The following GRB10 variants were observed in gnomAD, a reference collection of about 807,000 sequenced individuals.
GRB10 encodes the protein growth factor receptor-bound protein 10.
In GRB10, 20 loss-of-function variants were observed where a neutral mutation model predicts 80.9. The ratio of observed to expected loss-of-function variants is 0.25; its 90% CI spans 0.17 to 0.36. GRB10 has a LOEUF of 0.36. Among genes scored for constraint, GRB10 ranks in the 10% least tolerant of loss-of-function variants. The probability of loss-of-function intolerance (pLI) is 1.00; values close to 1 mark genes in which losing one functional copy is unlikely to be tolerated. For synonymous variants in GRB10, 291 were observed against 291.5 expected (o/e 1.00, Z 0.02); for missense variants, 548 against 747.7 (o/e 0.73, Z 3.12).
intron 4 of GRB10, among the ~76,000 whole-genome samples, chr7:50,712,220 G>C (rs1181964685): frequency 6.6e-6 from 1 of 152,220 alleles, no homozygotes; most frequent in African/African-American, 2.4e-5. Context: ...TAATAAATGA[G>C]CCAGAGCCAT....
At chr7:50,781,914 T>C (rs934648485) in intron 1 of GRB10, among the ~76,000 whole-genome samples, 1 of 152,244 alleles carries the variant, frequency 6.6e-6, no homozygotes, top group East Asian at 1.9e-4. Context: ...ACGTTGACTA[T>C]ACGTGTTTAC....
At chr7:50,644,735 T>C (rs1434708633) in intron 7 of GRB10, among the ~76,000 whole-genome samples, 1 of 152,142 alleles carries the variant, frequency 6.6e-6, no homozygotes, top group Non-Finnish European at 1.5e-5. Context: ...GACATCAGCC[T>C]CTACACAGCC....
rs1456965682 is a variant in GRB10 at position 50,703,818 on chromosome 7, T to C, written c.139+3A>G. On this transcript the variant is annotated splice_donor_region_variant and intron_variant, in intron 5 of 18. Transcript: ENST00000401949. ...GTGTTCTTGTGTTTTGCTCATTCCTTACCCTGGTGATTCGCAAGTCGGTCA... is the reference window on the plus strand; with the variant it reads ...GTGTTCTTGTGTTTTGCTCATTCCTCACCCTGGTGATTCGCAAGTCGGTCA... 7 of 1,610,546 alleles carry C rather than the reference T, an allele frequency of 4.3e-6. No homozygotes were observed. Among genetic ancestry groups the C allele is most frequent in the Non-Finnish European group, 5.9e-6 (7 of 1,177,112 alleles).
intron 3 of GRB10, among the ~76,000 whole-genome samples, chr7:50,753,748 G>A (rs887162741): frequency 3.9e-5 from 6 of 152,196 alleles, no homozygotes; most frequent in Non-Finnish European, 7.3e-5. Flanking sequence ...AGTGGGAAAC[G>A]AAGTTTTGTT....
At chr7:50,731,442 C>G (rs1414676745) in intron 4 of GRB10, among the ~76,000 whole-genome samples, 3 of 152,000 alleles carry the variant, frequency 2.0e-5, no homozygotes, top group African/African-American at 7.3e-5. Context: ...AAAAGCTGAC[C>G]ACAGCCTGAA....
chr7:50,717,185 CTT>C (rs1287638645), intron 4 of GRB10, among the ~76,000 whole-genome samples: 2 of 152,218 alleles, frequency 1.3e-5, no homozygotes, highest in African/African-American at 4.8e-5. Context: ...CAGTCTCCCA[CTT>C]TGTGGCAGCC....
intron 7 of GRB10, among the ~76,000 whole-genome samples, chr7:50,664,849 T>C (rs1480987334): frequency 6.6e-6 from 1 of 152,202 alleles, no homozygotes; most frequent in East Asian, 1.9e-4. Flanking sequence ...CACAAAGCAG[T>C]TAAAAATACC....
In GRB10 at chr7:50,593,165, G is replaced by A. The variant is rs559904789; in HGVS notation, c.1639-67C>T. The A allele has an allele frequency of 9.5e-6, 15 of 1,571,278 alleles. No homozygotes were observed. The South Asian group carries it at 1.1e-4, about 12-fold the overall frequency. ...CCTCAGGGAACAGAACGGGGCCCACGGCCAGCAGCAGCTACATCTGCCCAT... is the reference window on the plus strand; with the variant it reads ...CCTCAGGGAACAGAACGGGGCCCACAGCCAGCAGCAGCTACATCTGCCCAT... On this transcript the variant is annotated intron_variant, in intron 18 of 18. Coordinates refer to ENST00000401949, the MANE Select transcript of GRB10 (RefSeq NM_001350814.2).
intron 4 of GRB10, among the ~76,000 whole-genome samples, chr7:50,728,513 C>G (rs751147593): frequency 6.6e-5 from 10 of 152,052 alleles, no homozygotes; most frequent in Non-Finnish European, 1.2e-4. Context: ...TACAAGGAGG[C>G]CCCCTTGAGC....
chr7:50,744,720 C>G (rs1034048054), intron 3 of GRB10, among the ~76,000 whole-genome samples: 5 of 152,144 alleles, frequency 3.3e-5, no homozygotes, highest in Non-Finnish European at 7.4e-5. Context: ...GAGCAATTTA[C>G]TGGGATGGGA....
intron 5 of GRB10, among the ~76,000 whole-genome samples, chr7:50,685,356 G>GA (rs1394703970): frequency 6.6e-6 from 1 of 152,158 alleles, no homozygotes; most frequent in African/African-American, 2.4e-5. Context: ...ACTACTTCTG[G>GA]AAAAATAATT....
intron 7 of GRB10, among the ~76,000 whole-genome samples, chr7:50,634,618 C>G (rs1398215678): frequency 1.3e-5 from 2 of 152,244 alleles, no homozygotes; most frequent in South Asian, 4.1e-4. Context: ...AAAAACAAGA[C>G]CCAGCCATCT....
intron 2 of GRB10, among the ~76,000 whole-genome samples, chr7:50,774,995 C>CAAAAAA (rs200448804): frequency 8.1e-6 from 1 of 123,416 alleles, no homozygotes. Flanking sequence ...AAAAACAAAA[C>CAAAAAA]AAAACAAAAA....
chr7:50,689,231 A>G (rs1018795352), intron 5 of GRB10, among the ~76,000 whole-genome samples: 3 of 152,212 alleles, frequency 2.0e-5, no homozygotes, highest in African/African-American at 7.2e-5. Context: ...CAGGGTGCTG[A>G]GTCCCCAAGA....
intron 5 of GRB10, among the ~76,000 whole-genome samples, chr7:50,696,312 T>C (rs1029963005): frequency 1.3e-5 from 2 of 152,214 alleles, no homozygotes; most frequent in African/African-American, 4.8e-5. Flanking sequence ...GAGTTACTTC[T>C]TAAAGAGGGC....
At chr7:50,604,474 C>CCTGA in intron 15 of GRB10, 97 bp from the exon 16 acceptor site, 2 of 1,001,362 alleles carry the variant, frequency 2.0e-6, no homozygotes, top group South Asian at 2.5e-5. Context: ...GGGTGGGGTG[C>CCTGA]CTGACTGGGC....
chr7:50,693,425 C>T (rs1229339757), intron 5 of GRB10, among the ~76,000 whole-genome samples: 2 of 152,124 alleles, frequency 1.3e-5, no homozygotes, highest in Non-Finnish European at 2.9e-5. Flanking sequence ...ATTAAAGCTG[C>T]ATGCCTATAA....
intron 4 of GRB10, among the ~76,000 whole-genome samples, chr7:50,708,041 C>T (rs978033834): frequency 6.6e-5 from 10 of 152,168 alleles, no homozygotes; most frequent in African/African-American, 1.2e-4. Flanking sequence ...ATTTGAATTT[C>T]GGATTAATAA....
intron 18 of GRB10, among the ~76,000 whole-genome samples, chr7:50,593,517 C>T (rs2153558723): frequency 6.6e-6 from 1 of 152,204 alleles, no homozygotes; most frequent in East Asian, 1.9e-4. Context: ...ACTCCTGAGG[C>T]CCCAGGGGTT....
Sources: allele counts gnomAD v4.1 joint callset (sites outside exome capture counted in the v4.1 genomes callset), GRCh38; gene constraint gnomAD v4.1.1; transcripts MANE v1.5; gene names NCBI Gene and HGNC (gene_info 2026-07-23, HGNC 2026-07-21).